Variants in ELMOD3 observed in about 807,000 individuals in gnomAD.
ELMOD3 encodes ELMO domain containing 3, also known as ELMO domain-containing protein 3.
Under a neutral mutation model 47.4 loss-of-function variants are expected in ELMOD3, and 36 were observed. The observed-to-expected ratio is 0.76, with a 90% confidence interval of 0.58 to 1.00. The LOEUF is 1.00. Among genes scored for constraint, ELMOD3 ranks in the 50% least tolerant of loss-of-function variants. The probability of loss-of-function intolerance (pLI) is 0.00; values close to 1 mark genes in which losing one functional copy is unlikely to be tolerated. For missense variants in ELMOD3, 404 were observed against 463.8 expected, an observed-to-expected ratio of 0.87 and a Z score of 1.18; for synonymous variants, 149 against 183.5, an observed-to-expected ratio of 0.81 and a Z score of 1.52.
intron 11 of ELMOD3, chr2:85,387,097 G>C: frequency 7.7e-7 from 1 of 1,301,510 alleles, no homozygotes; most frequent in Middle Eastern, 2.1e-4. Context: ...TTTATTTTTA[G>C]ATTGAAAGAA....
chr2:85,389,983 C>T (rs781099045), intron 12 of ELMOD3, 155 bp from the exon 13 acceptor site: 2 of 1,069,130 alleles, frequency 1.9e-6, no homozygotes, highest in Non-Finnish European at 1.5e-6. Flanking sequence ...TCCCTTCTCC[C>T]ACCCCTGGCC....
In ELMOD3 at chr2:85,364,855, A is replaced by T. The variant is rs1400406751; in HGVS notation, c.199+1689A>T. 7.1e-4 allele frequency among the ~76,000 whole-genome samples: 67 copies of T among 94,212 alleles called. 1 individual carries two copies. Among genetic ancestry groups the T allele is most frequent in the Middle Eastern group, 7.5e-3 (1 of 134 alleles). The allele number at this position is 94,212 out of a possible 152,430, so 61.8% of individuals were successfully genotyped here. On this transcript the variant is annotated intron_variant, in intron 6 of 13. Transcript: ENST00000409013. ...TTTTTTTTTTTTTTTTTTTCTTTCCAGAGACAGGGTCTCACTCTGTTGTCC... is the reference window on the plus strand; with the variant it reads ...TTTTTTTTTTTTTTTTTTTCTTTCCTGAGACAGGGTCTCACTCTGTTGTCC...
chr2:85,368,491 T>G, intron 6 of ELMOD3, 195 bp from the exon 7 acceptor site: 1 of 567,396 alleles, frequency 1.8e-6, no homozygotes. Context: ...AATGGAGCAG[T>G]TCAAAAATCC....
intron 7 of ELMOD3, among the ~76,000 whole-genome samples, chr2:85,369,201 G>A (rs1684611988): frequency 6.6e-6 from 1 of 152,228 alleles, no homozygotes; most frequent in Non-Finnish European, 1.5e-5. Flanking sequence ...TTCTTTCTAA[G>A]AGGTTGGATG....
Position 85,371,214 on chromosome 2 carries a change from G to A in ELMOD3, c.484+5G>A. ...TGGTCCTGACCATTGCTCAGTGTGA[G>A]TGCAATGCGAGCCCACAGGGCAGTT... On this transcript the variant is annotated splice_donor_5th_base_variant and intron_variant, in intron 9 of 13. Transcript: ENST00000409013. 6.2e-7 allele frequency: 1 copy of A among 1,614,240 alleles called. No homozygotes were observed. The highest frequency in any genetic ancestry group is 8.5e-7 in the Non-Finnish European group (1 of 1,180,050).
In ELMOD3 at chr2:85,371,123, C is replaced by G; in HGVS notation, c.398C>G (p.Ala133Gly). Residue 133 changes from alanine to glycine, a missense_variant, in exon 9 of 14, where the codon GCC becomes GGC. Transcript: ENST00000409013. ...CCAACTATTCGAAGGACTGGGCTCG[C>G]CGCCCTCCGACACTACCTCTTCGGG... is the stretch of plus-strand genomic sequence containing the variant. Reference protein sequence around the residue: ...IQPTIRRTGLAALRHYLFGPP... With the variant: ...IQPTIRRTGLGALRHYLFGPP... 6.2e-7 allele frequency: 1 copy of G among 1,614,234 alleles called. No homozygotes were observed.
At chr2:85,360,311 G>A (rs572491299) in intron 4 of ELMOD3, among the ~76,000 whole-genome samples, 2 of 143,126 alleles carry the variant, frequency 1.4e-5, no homozygotes, top group South Asian at 2.3e-4. Flanking sequence ...TACCTTTTGT[G>A]TAAACCATCT....
intron 11 of ELMOD3, among the ~76,000 whole-genome samples, chr2:85,386,635 T>G (rs370383059): frequency 2.6e-5 from 4 of 152,194 alleles, no homozygotes; most frequent in East Asian, 1.9e-4. Context: ...TGTGCCCACC[T>G]CGGCCTCCAA....
At chr2:85,362,113 AG>A (rs1684017254) in intron 4 of ELMOD3, 72 bp from the exon 5 acceptor site, 1 of 965,908 alleles carries the variant, frequency 1.0e-6, no homozygotes. Flanking sequence ...AAAAAAAAAA[AG>A]TATGACATTT....
intron 3 of ELMOD3, chr2:85,356,569 A>G (rs1343230261): frequency 6.6e-6 from 1 of 152,266 alleles, no homozygotes; most frequent in African/African-American, 2.4e-5. Context: ...TTCATTCAGA[A>G]TAAATTCACA....
chr2:85,382,900 A>G lies in ELMOD3; in HGVS notation c.738+5426A>G, dbSNP rs143448563. Among the ~76,000 whole-genome samples the G allele has an allele frequency of 8.6e-3, 1,290 of 149,424 alleles. 7 individuals carry two copies. Among genetic ancestry groups the G allele is most frequent in the Non-Finnish European group, 0.012 (804 of 67,484 alleles). On this transcript the variant is annotated intron_variant, in intron 11 of 13. Coordinates refer to ENST00000409013, the MANE Select transcript of ELMOD3 (RefSeq NM_001135022.2). ...AGACAATTCAGTTACTTATCTAGGG[A>G]TGGGTCTCGGGCTGTAGACTCTACC...
intron 6 of ELMOD3, among the ~76,000 whole-genome samples, chr2:85,364,513 G>A (rs980897548): frequency 2.0e-5 from 3 of 151,532 alleles, no homozygotes; most frequent in Non-Finnish European, 4.4e-5. Flanking sequence ...GAACCTGGGA[G>A]GCAGAGGTTG....
chr2:85,363,102 A>G lies in ELMOD3; in HGVS notation c.135A>G (p.Ser45=), dbSNP rs759718576. The G allele has an allele frequency of 1.2e-5, 20 of 1,607,218 alleles. No individual in the cohort carries two copies. Among genetic ancestry groups the G allele is most frequent in the Non-Finnish European group, 1.6e-5 (19 of 1,173,882 alleles). Residue 45 remains serine, a synonymous_variant, in exon 6 of 14, where the codon TCA becomes TCG. Transcript: ENST00000409013. ...AAGGTCAGCTGCCTCTACAGATCTC[A>G]GAGTTGAAGAACCATGGCATTCTCC... is the stretch of plus-strand genomic sequence containing the variant. ...SVLAFRGIPI[S]ELKNHGILQA...
intron 11 of ELMOD3, among the ~76,000 whole-genome samples, chr2:85,389,267 C>G (rs1686148520): frequency 6.6e-6 from 1 of 152,198 alleles, no homozygotes; most frequent in Admixed American, 6.5e-5. Context: ...TGCGTCTTCT[C>G]TGTCTTAGGA....
chr2:85,369,626 G>A, intron 7 of ELMOD3, 113 bp from the exon 8 acceptor site: 2 of 1,096,984 alleles, frequency 1.8e-6, no homozygotes, highest in Non-Finnish European at 2.7e-6. Flanking sequence ...AGTGTCTGAT[G>A]TTCAACTGGA....
At position 85,362,344 on chromosome 2, in the gene ELMOD3, G is replaced by A. The variant is rs1684042771; in HGVS notation, c.129+84G>A. 3 of 875,112 alleles carry A rather than the reference G, an allele frequency of 3.4e-6. No individual in the cohort carries two copies. The East Asian group carries it at 7.2e-5, about 21-fold the overall frequency. 54.2% of individuals were successfully genotyped at this position (875,112 alleles called of 1,614,324 possible). On this transcript the variant is annotated intron_variant, in intron 5 of 13. Coordinates refer to ENST00000409013, the MANE Select transcript of ELMOD3 (RefSeq NM_001135022.2). ...TGGTGCCAGAACTGTGGTAGACGCT[G>A]GGGACACAAGGGTGGCATAGACCTT...
At chr2:85,382,045 A>G (rs1472994262) in intron 11 of ELMOD3, among the ~76,000 whole-genome samples, 1 of 128,590 alleles carries the variant, frequency 7.8e-6, no homozygotes. Context: ...TGAACCCAGG[A>G]GGTGGAGCTT....
chr2:85,371,625 G>C (rs1573113037), intron 10 of ELMOD3, 63 bp downstream of exon 10: 1 of 1,602,242 alleles, frequency 6.2e-7, no homozygotes, highest in East Asian at 2.2e-5. Flanking sequence ...AGAGTGAGAG[G>C]CCAGGTCGTT....
chr2:85,365,438 T>C (rs528510424), intron 6 of ELMOD3, among the ~76,000 whole-genome samples: 71 of 152,164 alleles, frequency 4.7e-4, no homozygotes, highest in Middle Eastern at 3.4e-3. Flanking sequence ...CTTGACTATA[T>C]GAGTAAGTGG....
Sources: gnomAD v4.1 joint callset for allele counts (sites outside exome capture counted in the v4.1 genomes callset) on GRCh38, gnomAD v4.1.1 for gene constraint, MANE v1.5 for transcripts, NCBI Gene and HGNC (gene_info 2026-07-23, HGNC 2026-07-21) for gene names.